The following RGS3 variants were observed in gnomAD, a reference collection of about 807,000 sequenced individuals.
RGS3 encodes the protein regulator of G-protein signalling 3.
RGS3 carries 80 observed loss-of-function variants against 132.6 expected under a neutral mutation model. That is an observed-to-expected ratio of 0.60 (90% CI 0.50 to 0.73). The LOEUF is 0.73. Among genes scored for constraint, RGS3 ranks in the 30% least tolerant of loss-of-function variants. The probability of loss-of-function intolerance (pLI) is 0.00; values close to 1 mark genes in which losing one functional copy is unlikely to be tolerated. For missense variants in RGS3, 1,382 were observed against 1,530.8 expected (o/e 0.90, Z 1.62); for synonymous variants, 598 against 620.6 (o/e 0.96, Z 0.54).
chr9:113,464,209 G>A (rs977188227), intron 3 of RGS3, among the ~76,000 whole-genome samples: 1 of 152,250 alleles, frequency 6.6e-6, no homozygotes, highest in Non-Finnish European at 1.5e-5. Flanking sequence ...AAGCAGCTCA[G>A]GTTAAATCAA....
intron 1 of RGS3, among the ~76,000 whole-genome samples, chr9:113,445,968 C>T (rs566008569): frequency 2.1e-4 from 32 of 152,296 alleles, no homozygotes; most frequent in East Asian, 1.4e-3. Flanking sequence ...CGTGACCCAC[C>T]GTGCCCAGAA....
At chr9:113,497,883 C>A in intron 9 of RGS3, 142 bp from the exon 8 acceptor site, 1 of 737,840 alleles carries the variant, frequency 1.4e-6, no homozygotes, top group South Asian at 1.6e-5. Flanking sequence ...GATTGAGCCT[C>A]AGGTGTCCCC....
intron 11 of RGS3, among the ~76,000 whole-genome samples, chr9:113,505,807 A>G (rs1359039561): frequency 6.6e-6 from 1 of 152,206 alleles, no homozygotes; most frequent in Non-Finnish European, 1.5e-5. Context: ...CAATGGCTGC[A>G]AGGGAAAATG....
At chr9:113,526,683 G>C (rs1832227437) in intron 17 of RGS3, among the ~76,000 whole-genome samples, 1 of 152,152 alleles carries the variant, frequency 6.6e-6, no homozygotes, top group African/African-American at 2.4e-5. Flanking sequence ...AGTGACGGAG[G>C]GGTCAGACCT....
rs764323883 is a variant in RGS3 at position 113,594,447 on chromosome 9, A to G, written c.3098A>G (p.Asn1033Ser). 4 of 1,613,666 alleles carry G rather than the reference A, an allele frequency of 2.5e-6. No homozygotes were observed. The African/African-American group carries it at 4.0e-5, about 16-fold the overall frequency. ...GTCCCCAGAGCCAAGGACATGAAGA[A>G]CAAGCTGGGGATCTTCAGACGGCGG... The change falls in exon 22 of 25, where the codon AAC becomes AGC. Residue 1033 changes from asparagine (N) to serine (S), a missense_variant. Asn to Ser is a conservative substitution (Grantham distance 46). Coordinates refer to ENST00000350696, the Ensembl canonical transcript of RGS3.
At chr9:113,517,663 G>T (rs749864540) in intron 16 of RGS3, 39 bp downstream of exon 14, 2 of 1,540,048 alleles carry the variant, frequency 1.3e-6, no homozygotes, top group African/African-American at 2.7e-5. Context: ...GGCTTTCTGG[G>T]TGGGCTTCAT....
chr9:113,592,994 G>C (rs1019247717), intron 21 of RGS3: 4 of 152,104 alleles, frequency 2.6e-5, no homozygotes, highest in Non-Finnish European at 4.4e-5. Context: ...ATAAACTACT[G>C]TGCAAAGAGG....
intron 19 of RGS3, among the ~76,000 whole-genome samples, chr9:113,559,194 T>C (rs1833691102): frequency 6.6e-6 from 1 of 152,258 alleles, no homozygotes; most frequent in Non-Finnish European, 1.5e-5. Flanking sequence ...TCAGTGGCTC[T>C]GTGCTGAACA....
intron 8 of RGS3, among the ~76,000 whole-genome samples, chr9:113,496,254 A>G (rs933306754): frequency 1.3e-5 from 2 of 152,186 alleles, no homozygotes; most frequent in African/African-American, 4.8e-5. Context: ...TGGGCCTAAC[A>G]GGTGCTCAAG....
At position 113,536,637 on chromosome 9, in the gene RGS3, A is replaced by G. The variant is rs112189420; in HGVS notation, c.1915-159A>G. 5.7e-4 allele frequency: 838 copies of G among 1,469,080 alleles called. 4 individuals are homozygous for G. The African/African-American group carries it at 8.7e-3, about 15-fold the overall frequency. 91.0% of individuals were successfully genotyped at this position (1,469,080 alleles called of 1,614,324 possible). The stretch of plus-strand genomic sequence containing the variant: ...CTTCCCTGCGCCTCTGGCTGCCTCA[A>G]TGTCACTGGGGATTAGTGTGCATTT... On this transcript the variant is annotated intron_variant, in intron 18 of 24. Transcript: ENST00000350696.
Position 113,475,899 on chromosome 9 carries a change from A to C in RGS3, c.416-3592A>C, listed in dbSNP as rs756849654. On this transcript the variant is annotated intron_variant, in intron 3 of 24. Coordinates refer to ENST00000350696, the Ensembl canonical transcript of RGS3. ...AGGTTTCTTTCTCTAGATTGGAGAC[A>C]TTTCTAGGAGGCTGCCCTCTATTTT... Among the ~76,000 whole-genome samples the C allele has an allele frequency of 2.6e-5, 4 of 151,792 alleles. No individual in the cohort carries two copies. In the East Asian group the frequency reaches 7.7e-4, roughly 29 times the overall value.
chr9:113,584,104 G>A (rs776930395), exon 20 of RGS3: 18 of 1,614,208 alleles, frequency 1.1e-5, no homozygotes, highest in Admixed American at 6.7e-5. Flanking sequence ...GGAGGAGGAC[G>A]AGGATGAGGA....
At chr9:113,481,308 G>C (rs915399930) in intron 4 of RGS3, among the ~76,000 whole-genome samples, 3 of 152,230 alleles carry the variant, frequency 2.0e-5, no homozygotes, top group Non-Finnish European at 4.4e-5. Context: ...AGAATGCAAT[G>C]AGGACAGGGA....
intron 4 of RGS3, among the ~76,000 whole-genome samples, chr9:113,481,975 G>A (rs1830173908): frequency 6.6e-6 from 1 of 151,924 alleles, no homozygotes; most frequent in Non-Finnish European, 1.5e-5. Context: ...GAACCCGGGA[G>A]GTGGAGGTTG....
upstream of RGS3, among the ~76,000 whole-genome samples, chr9:113,457,076 G>A (rs1414617430): frequency 1.3e-5 from 2 of 152,176 alleles, no homozygotes; most frequent in Admixed American, 6.5e-5. Flanking sequence ...GATTACAGGC[G>A]TGAGTCACCG....
rs139026279 is a variant in RGS3, at chr9:113,482,132, A to G, written c.467-927A>G. Among the ~76,000 whole-genome samples the G allele has an allele frequency of 5.6e-4, 86 of 152,268 alleles. 1 individual carries two copies. The highest frequency in any genetic ancestry group is 2.0e-3 in the African/African-American group (83 of 41,570). On this transcript the variant is annotated intron_variant, in intron 4 of 24. Coordinates refer to ENST00000350696, the Ensembl canonical transcript of RGS3. ...AAAATAGAACTGAGGCTCAGGTTCT[A>G]TCAGGTCTATTGTCTTCTTTCTATA... is the stretch of plus-strand genomic sequence containing the variant.
At chr9:113,594,507 C>G in exon 22 of RGS3, 1 of 1,613,656 alleles carries the variant, frequency 6.2e-7, no homozygotes. Flanking sequence ...GCGGGCAAGG[C>G]AGACAAAATG....
intron 3 of RGS3, among the ~76,000 whole-genome samples, chr9:113,470,564 A>C (rs1194535739): frequency 6.6e-6 from 1 of 152,240 alleles, no homozygotes. Flanking sequence ...AACATAGCTA[A>C]CCATGCTTCT....
At chr9:113,546,017 A>G (rs528596320) in intron 19 of RGS3, among the ~76,000 whole-genome samples, 1 of 152,328 alleles carries the variant, frequency 6.6e-6, no homozygotes, top group East Asian at 1.9e-4. Flanking sequence ...TGGAAGGGCC[A>G]GGGAGACTGG....
Sources: gnomAD v4.1 joint callset for allele counts (sites outside exome capture counted in the v4.1 genomes callset) on GRCh38, gnomAD v4.1.1 for gene constraint, MANE v1.5 for transcripts, NCBI Gene and HGNC (gene_info 2026-07-23, HGNC 2026-07-21) for gene names.